Variants in ACAP2 observed in about 807,000 individuals in gnomAD.
ACAP2 encodes arf-GAP with coiled-coil, ANK repeat and PH domain-containing protein 2.
A neutral mutation model predicts 115.8 loss-of-function variants in ACAP2; 39 were observed. The ratio of observed to expected loss-of-function variants is 0.34; its 90% CI spans 0.26 to 0.44. The LOEUF is 0.44. Ranked by LOEUF, ACAP2 falls within the 20% of genes least tolerant of loss-of-function variation. The pLI, the probability that ACAP2 is intolerant of heterozygous loss-of-function variation, is 1.00. For missense variants in ACAP2, 662 were observed against 927.6 expected (o/e 0.71, Z 3.72); for synonymous variants, 289 against 315.8 (o/e 0.92, Z 0.90).
At chr3:195,424,674 G>C (rs1033052186) in intron 1 of ACAP2, among the ~76,000 whole-genome samples, 1 of 151,790 alleles carries the variant, frequency 6.6e-6, no homozygotes, top group Non-Finnish European at 1.5e-5. Flanking sequence ...ATCCCACCTG[G>C]GGAGGCCAAG....
chr3:195,358,083 G>A (rs1732106472), intron 4 of ACAP2, among the ~76,000 whole-genome samples: 1 of 152,094 alleles, frequency 6.6e-6, no homozygotes, highest in African/African-American at 2.4e-5. Context: ...ATGAGATTTG[G>A]GTGGGGACAC....
rs999450620 is a variant in ACAP2 at position 195,276,321 on chromosome 3, T to C, written c.*3007A>G. ...ACCGGTATAAATTAGGCAAACACCA[T>C]AATCTAATGAATATCAGGAAATTTC... is the stretch of plus-strand genomic sequence containing the variant. On this transcript the variant is annotated 3_prime_UTR_variant, in exon 23 of 23. Coordinates refer to ENST00000326793, the MANE Select transcript of ACAP2 (RefSeq NM_012287.6). 1 of 152,198 alleles carries C rather than the reference T, an allele frequency of 6.6e-6. No homozygotes were observed. The highest frequency in any genetic ancestry group is 2.1e-4 in the South Asian group (1 of 4,832). 9.4% of individuals were successfully genotyped at this position (152,198 alleles called of 1,614,324 possible).
intron 10 of ACAP2, among the ~76,000 whole-genome samples, chr3:195,315,040 CAGGGT>C (rs560959970): frequency 4.2e-4 from 64 of 152,302 alleles, no homozygotes; most frequent in African/African-American, 1.5e-3. Context: ...CTGATTGAGA[CAGGGT>C]CTCCGTCACC....
rs898976640 is a variant in ACAP2, at chr3:195,391,997, A to C, written c.111+93T>G. ...GCGACAGAGTGAGACTCTGTCTCCA[A>C]AAAATAAAAAAGAGACCTACTACTG... On this transcript the variant is annotated intron_variant, in intron 2 of 22. Coordinates refer to ENST00000326793, the MANE Select transcript of ACAP2 (RefSeq NM_012287.6). 12 of 1,056,166 alleles carry C rather than the reference A, an allele frequency of 1.1e-5. No homozygotes were observed. In the Admixed American group the frequency reaches 1.4e-4, roughly 12 times the overall value. The allele number at this position is 1,056,166 out of a possible 1,614,324, so 65.4% of individuals were successfully genotyped here. A position where few individuals can be genotyped will look rare whatever the true frequency, so the allele number is the denominator to read the frequency against.
At chr3:195,321,278 A>T (rs182795905) in intron 9 of ACAP2, among the ~76,000 whole-genome samples, 90 of 142,844 alleles carry the variant, frequency 6.3e-4, no homozygotes, top group African/African-American at 2.3e-3. Context: ...CCTGGAGTGC[A>T]ATGAAGTGAT....
Position 195,326,867 on chromosome 3 carries a change from A to G in ACAP2, c.744+18T>C, listed in dbSNP as rs747541423. ...TTGTATAAAGTGGAATTAATTTTTA[A>G]TTTTTCCCCTGAGGTACCTTTTGTT... On this transcript the variant is annotated intron_variant, in intron 9 of 22. Transcript: ENST00000326793. 1 of 1,612,720 alleles carries G rather than the reference A, an allele frequency of 6.2e-7. No individual in the cohort carries two copies. The highest frequency in any genetic ancestry group is 1.1e-5 in the South Asian group (1 of 91,036).
chr3:195,400,844 A>T (rs1488524923), intron 1 of ACAP2, among the ~76,000 whole-genome samples: 1 of 152,228 alleles, frequency 6.6e-6, no homozygotes, highest in African/African-American at 2.4e-5. Context: ...CCTCAATGAG[A>T]GAACAAAGCA....
chr3:195,296,520 G>C (rs1228042588), intron 16 of ACAP2, among the ~76,000 whole-genome samples: 1 of 152,104 alleles, frequency 6.6e-6, no homozygotes. Context: ...AAATAATTAA[G>C]ATTCTGATTT....
At position 195,294,757 on chromosome 3, in the gene ACAP2, A is replaced by G. The variant is rs1486015702; in HGVS notation, c.1727T>C (p.Leu576Ser). Residue 576 changes from leucine to serine, a missense_variant, in exon 18 of 23, where the codon TTA (leucine) becomes TCA (serine). Physicochemically the swap from Leu to Ser is moderately radical, Grantham distance 145 (BLOSUM62 -2). Transcript: ENST00000326793. ...ACTATTGGCTGACACCGTGGAGGGT[A>G]AAGATTCTCTTCCATCATCAGAGCT... ...QQSSDDGRES[L>S]PSTVSANSLY... The G allele has an allele frequency of 1.2e-6, 2 of 1,610,514 alleles. No homozygotes were observed. Among genetic ancestry groups the G allele is most frequent in the African/African-American group, 1.3e-5 (1 of 74,772 alleles).
At chr3:195,340,587 T>C (rs557595746) in intron 6 of ACAP2, among the ~76,000 whole-genome samples, 23 of 151,800 alleles carry the variant, frequency 1.5e-4, no homozygotes, top group African/African-American at 4.6e-4. Flanking sequence ...GGAAAAGAAA[T>C]AGAAGTTGGG....
chr3:195,279,965 T>A (rs1412099815), intron 22 of ACAP2, among the ~76,000 whole-genome samples: 1 of 152,134 alleles, frequency 6.6e-6, no homozygotes, highest in Non-Finnish European at 1.5e-5. Context: ...CAAACTTTAA[T>A]GCGTAATTAA....
Position 195,274,882 on chromosome 3 carries a change from A to C in ACAP2, c.*4446T>G, listed in dbSNP as rs983080858. ...TCCATTTACAATGACAAACTACTGT[A>C]AAACTACATTCATGAATTAGATACA... is the stretch of plus-strand genomic sequence containing the variant. On this transcript the variant is annotated 3_prime_UTR_variant, in exon 23 of 23. Transcript: ENST00000326793. The C allele has an allele frequency of 7.2e-5, 11 of 152,682 alleles. No individual in the cohort carries two copies. The highest frequency in any genetic ancestry group is 2.4e-4 in the African/African-American group (10 of 41,464). The allele number at this position is 152,682 out of a possible 1,614,324, so 9.5% of individuals were successfully genotyped here. A position where few individuals can be genotyped will look rare whatever the true frequency, so the allele number is the denominator to read the frequency against.
At chr3:195,378,826 A>G (rs1171608314) in intron 4 of ACAP2, among the ~76,000 whole-genome samples, 1 of 149,128 alleles carries the variant, frequency 6.7e-6, no homozygotes, top group African/African-American at 2.5e-5. Flanking sequence ...GCACCACTGC[A>G]CTCCAGCCTG....
In ACAP2 at chr3:195,367,167, G is replaced by A. The variant is rs7624872; in HGVS notation, c.285+13842C>T. On this transcript the variant is annotated intron_variant, in intron 4 of 22. Coordinates refer to ENST00000326793, the MANE Select transcript of ACAP2 (RefSeq NM_012287.6). ...TGTTAGAATACATCAGAAACACCTG[G>A]AAGGCTTGTTCAAACACAGATTGCT... 9.6e-3 allele frequency among the ~76,000 whole-genome samples: 1,465 copies of A among 152,104 alleles called. 19 individuals are homozygous for A. Among genetic ancestry groups the A allele is most frequent in the African/African-American group, 0.032 (1,309 of 41,482 alleles).
intron 10 of ACAP2, among the ~76,000 whole-genome samples, chr3:195,318,719 T>C (rs531208971): frequency 6.6e-6 from 1 of 152,206 alleles, no homozygotes; most frequent in African/African-American, 2.4e-5. Flanking sequence ...AGATAAGAAA[T>C]TGGAACTTAG....
chr3:195,290,323 T>C (rs1489467706), intron 20 of ACAP2, among the ~76,000 whole-genome samples: 1 of 151,906 alleles, frequency 6.6e-6, no homozygotes, highest in Non-Finnish European at 1.5e-5. Context: ...GCTATGAATG[T>C]GCCTATGAAC....
intron 9 of ACAP2, among the ~76,000 whole-genome samples, chr3:195,322,483 T>A (rs574980345): frequency 6.6e-6 from 1 of 151,726 alleles, no homozygotes; most frequent in Non-Finnish European, 1.5e-5. Context: ...GAAAAAAAAA[T>A]AACCTCTCCT....
intron 22 of ACAP2, among the ~76,000 whole-genome samples, chr3:195,283,852 G>A (rs1293912632): frequency 6.6e-6 from 1 of 151,858 alleles, no homozygotes; most frequent in East Asian, 1.9e-4. Context: ...AAACTAAAAT[G>A]TGAGAATGGT....
At chr3:195,341,657 A>T (rs146232917) in intron 6 of ACAP2, among the ~76,000 whole-genome samples, 278 of 152,246 alleles carry the variant, frequency 1.8e-3, no homozygotes, top group African/African-American at 6.4e-3. Flanking sequence ...CACCTAAAGC[A>T]AAAATATGAT....
Sources: gnomAD v4.1 joint callset for allele counts (sites outside exome capture counted in the v4.1 genomes callset) on GRCh38, gnomAD v4.1.1 for gene constraint, MANE v1.5 for transcripts, NCBI Gene and HGNC (gene_info 2026-07-23, HGNC 2026-07-21) for gene names.